Variants in OVCH1 observed in about 807,000 individuals in gnomAD.
The protein encoded by OVCH1 is ovochymase 1.
In OVCH1, 139 loss-of-function variants were observed where a neutral mutation model predicts 138.4. The observed-to-expected ratio is 1.00, with a 90% confidence interval of 0.87 to 1.16. The LOEUF (loss-of-function observed/expected upper bound fraction) is 1.16. Among genes scored for constraint, OVCH1 ranks in the 50% most tolerant of loss-of-function variants. The pLI, the probability that OVCH1 is intolerant of heterozygous loss-of-function variation, is 0.00. For missense variants in OVCH1, 1,367 were observed against 1,357.9 expected (o/e 1.01, Z -0.11); for synonymous variants, 453 against 467.8 (o/e 0.97, Z 0.41).
chr12:29,416,806 T>G (rs934117820), intron 3 of OVCH1, among the ~76,000 whole-genome samples: 5 of 152,138 alleles, frequency 3.3e-5, no homozygotes, highest in African/African-American at 1.2e-4. Flanking sequence ...TCTTGGACAT[T>G]TATCCCACCA....
intron 21 of OVCH1, among the ~76,000 whole-genome samples, chr12:29,452,931 G>A (rs752683985): frequency 5.9e-5 from 9 of 152,118 alleles, no homozygotes; most frequent in African/African-American, 9.7e-5. Flanking sequence ...AGTTTTTGGC[G>A]TGCATAACCA....
At chr12:29,490,139 C>G (rs898315175) in intron 5 of OVCH1, among the ~76,000 whole-genome samples, 2 of 152,200 alleles carry the variant, frequency 1.3e-5, no homozygotes, top group African/African-American at 4.8e-5. Flanking sequence ...TCAAGGCTCA[C>G]TGTAGCCTCA....
chr12:29,461,648 C>T (rs147215293), intron 19 of OVCH1: 32 of 662,024 alleles, frequency 4.8e-5, no homozygotes, highest in African/African-American at 3.9e-4. Flanking sequence ...TGTCGCTGTA[C>T]AGCTGCTTCC....
At chr12:29,429,461 A>C (rs1052603096) in intron 27 of OVCH1, among the ~76,000 whole-genome samples, 6 of 152,234 alleles carry the variant, frequency 3.9e-5, no homozygotes, top group African/African-American at 1.4e-4. Flanking sequence ...CCCAAGGCCA[A>C]TGTAGGTCAT....
Position 29,443,462 on chromosome 12 carries a change from A to G in OVCH1, c.3056T>C (p.Ile1019Thr), listed in dbSNP as rs367870946. ...CGGGAAGTTAATAATATTAAGCTGA[A>G]TGATGTGATTTAAAGGGGCTACTAA... Residue 1019 changes from isoleucine to threonine, a missense_variant, in exon 25 of 28, where the codon ATT (isoleucine) becomes ACT (threonine). Transcript: ENST00000318184. The G allele has an allele frequency of 1.8e-5, 29 of 1,609,440 alleles. No individual in the cohort carries two copies. Among genetic ancestry groups the G allele is most frequent in the Non-Finnish European group, 2.5e-5 (29 of 1,177,214 alleles).
chr12:29,433,925 C>A, intron 26 of OVCH1: 2 of 935,050 alleles, frequency 2.1e-6, no homozygotes, highest in South Asian at 2.1e-5. Context: ...GCAAAGCCTG[C>A]TGGCTGATTA....
chr12:29,429,791 T>C (rs187947596), intron 27 of OVCH1, among the ~76,000 whole-genome samples: 334 of 152,280 alleles, frequency 2.2e-3, no homozygotes, highest in Admixed American at 8.4e-3. Context: ...AGAAAAAATA[T>C]ACAATAATCA....
At chr12:29,421,426 C>T (rs1777215169) in intron 3 of OVCH1, among the ~76,000 whole-genome samples, 1 of 152,088 alleles carries the variant, frequency 6.6e-6, no homozygotes, top group Admixed American at 6.5e-5. Context: ...TGAGACTTAC[C>T]TTTTCTTGCA....
At chr12:29,451,491 C>G in exon 22 of OVCH1, 1 of 1,613,390 alleles carries the variant, frequency 6.2e-7, no homozygotes, top group Non-Finnish European at 8.5e-7. Context: ...ACATTCCAGT[C>G]TTCCTCTATA....
intron 1 of OVCH1, 118 bp downstream of exon 1, chr12:29,497,505 A>C (rs1943451448): frequency 8.4e-7 from 1 of 1,185,452 alleles, no homozygotes; most frequent in Admixed American, 2.6e-5. Flanking sequence ...CTTTCTTCCC[A>C]AATGCCTCAG....
At chr12:29,485,529 C>T (rs995493931) in intron 8 of OVCH1, among the ~76,000 whole-genome samples, 1 of 151,776 alleles carries the variant, frequency 6.6e-6, no homozygotes, top group Non-Finnish European at 1.5e-5. Flanking sequence ...AATACCAGCA[C>T]TTTGGGAGGC....
At chr12:29,455,212 G>A (rs1442692644) in intron 20 of OVCH1, 37 bp downstream of exon 20, 1 of 1,596,196 alleles carries the variant, frequency 6.3e-7, no homozygotes, top group African/African-American at 1.3e-5. Context: ...TCTAAAGAAA[G>A]AGGTTATTGT....
chr12:29,456,662 A>G lies in OVCH1; in HGVS notation c.2281-1257T>C, dbSNP rs145964280. 2.0e-3 allele frequency among the ~76,000 whole-genome samples: 303 copies of G among 152,342 alleles called. 1 individual carries two copies. The highest frequency in any genetic ancestry group is 7.0e-3 in the African/African-American group (293 of 41,568). On this transcript the variant is annotated intron_variant, in intron 19 of 27. Coordinates refer to ENST00000318184, the Ensembl canonical transcript of OVCH1. ...CTCTTGAGGTTCAATGTGAAAATCA[A>G]TGGCAGCACCAAATACATGCCCTTG... is the stretch of plus-strand genomic sequence containing the variant.
At chr12:29,475,572 C>A (rs891695314) in intron 13 of OVCH1, among the ~76,000 whole-genome samples, 5 of 152,058 alleles carry the variant, frequency 3.3e-5, no homozygotes, top group African/African-American at 1.2e-4. Context: ...TCATGAAAAC[C>A]TCACACTATA....
chr12:29,485,433 G>A (rs2136066042), intron 8 of OVCH1, among the ~76,000 whole-genome samples: 1 of 151,816 alleles, frequency 6.6e-6, no homozygotes, highest in East Asian at 1.9e-4. Flanking sequence ...CTGAGGTCAG[G>A]AGTTCGAGAC....
intron 27 of OVCH1, among the ~76,000 whole-genome samples, chr12:29,429,554 T>C (rs1565566247): frequency 1.3e-5 from 2 of 152,376 alleles, no homozygotes; most frequent in East Asian, 1.9e-4. Context: ...CAAAGTAGAA[T>C]TGATTGCTGA....
chr12:29,478,765 A>T, intron 9 of OVCH1, 70 bp downstream of exon 10: 2 of 1,110,764 alleles, frequency 1.8e-6, no homozygotes, highest in African/African-American at 1.6e-5. Context: ...TTTATTTTAG[A>T]TCCTTTAGCA....
downstream of OVCH1, among the ~76,000 whole-genome samples, chr12:29,411,795 T>TGCTGGGAG: frequency 6.6e-6 from 1 of 151,698 alleles, no homozygotes; most frequent in East Asian, 1.9e-4. Context: ...TGTTCTCAGA[T>TGCTGGGAG]ATCCAGCTGC....
chr12:29,464,662 T>C (rs2135983741), exon 18 of OVCH1: 1 of 1,613,550 alleles, frequency 6.2e-7, no homozygotes, highest in South Asian at 1.1e-5. Flanking sequence ...ACTTAGTGTG[T>C]TAAAGTCTTC....
Sources: gnomAD v4.1 joint callset for allele counts (sites outside exome capture counted in the v4.1 genomes callset) on GRCh38, gnomAD v4.1.1 for gene constraint, MANE v1.5 for transcripts, NCBI Gene and HGNC (gene_info 2026-07-23, HGNC 2026-07-21) for gene names.